USP45: variants seen among roughly 807,000 people sequenced by gnomAD.
USP45 encodes ubiquitin specific peptidase 45, also known as ubiquitin carboxyl-terminal hydrolase 45.
Under a neutral mutation model 95.8 loss-of-function variants are expected in USP45, and 89 were observed. That is an observed-to-expected ratio of 0.93 (90% confidence interval 0.78 to 1.11). The LOEUF (loss-of-function observed/expected upper bound fraction) is 1.11, where lower values mean the gene tolerates loss of function less well. Ranked by LOEUF, USP45 falls within the 50% of genes least tolerant of loss-of-function variation. The probability of loss-of-function intolerance (pLI) is 0.00; values close to 1 mark genes in which losing one functional copy is unlikely to be tolerated. For missense variants in USP45, 898 were observed against 942.5 expected (o/e 0.95, Z 0.62); for synonymous variants, 281 against 316.2 (o/e 0.89, Z 1.18).
intron 17 of USP45, 135 bp downstream of exon 17, chr6:99,437,111 T>G (rs1729508604): frequency 1.0e-6 from 1 of 961,334 alleles, no homozygotes; most frequent in Non-Finnish European, 1.5e-6. Flanking sequence ...AATCAATCAA[T>G]CAATCAATTA....
At chr6:99,451,551 A>G (rs2128573553) in intron 13 of USP45, among the ~76,000 whole-genome samples, 2 of 152,322 alleles carry the variant, frequency 1.3e-5, no homozygotes, top group South Asian at 2.1e-4. Flanking sequence ...AAATGGAAGA[A>G]CCTTCCATAC....
intron 14 of USP45, among the ~76,000 whole-genome samples, chr6:99,444,168 C>G (rs1031139700): frequency 1.3e-5 from 2 of 152,162 alleles, no homozygotes; most frequent in Admixed American, 6.5e-5. Flanking sequence ...CATGCCACCC[C>G]ACCTGGCTAA....
intron 5 of USP45, chr6:99,501,662 AAATTT>A (rs1797390679): frequency 6.1e-6 from 1 of 163,820 alleles, no homozygotes; most frequent in Admixed American, 6.1e-5. Context: ...AGACCAAATA[AAATTT>A]AATACCTGGC....
At chr6:99,472,515 C>T (rs1789687224) in intron 9 of USP45, among the ~76,000 whole-genome samples, 1 of 152,104 alleles carries the variant, frequency 6.6e-6, no homozygotes, top group South Asian at 2.1e-4. Context: ...CATGCCCAGC[C>T]CACTTACATA....
Position 99,450,588 on chromosome 6 carries a change from C to T in USP45, c.1309-4125G>A, listed in dbSNP as rs149337703. The stretch of plus-strand genomic sequence containing the variant: ...GTTGAGGACCAGACGGATTCACAGC[C>T]GAATTCTACCAGAGGTACAAGGAGG... On this transcript the variant is annotated intron_variant, in intron 13 of 17. Transcript: ENST00000500704. 3.1e-3 allele frequency among the ~76,000 whole-genome samples: 468 copies of T among 152,218 alleles called. 2 individuals are homozygous for T. Among genetic ancestry groups the T allele is most frequent in the African/African-American group, 0.011 (445 of 41,540 alleles).
At chr6:99,435,907 T>G in intron 17 of USP45, 61 bp from the exon 18 acceptor site, 1 of 1,491,380 alleles carries the variant, frequency 6.7e-7, no homozygotes, top group Non-Finnish European at 9.0e-7. Flanking sequence ...TTACTCTAAA[T>G]TACAAACAAT....
intron 13 of USP45, among the ~76,000 whole-genome samples, chr6:99,448,431 A>AAT (rs1783036548): frequency 6.6e-6 from 1 of 152,246 alleles, no homozygotes; most frequent in African/African-American, 2.4e-5. Context: ...AACTGCAAGA[A>AAT]AGGATATCAG....
At chr6:99,445,557 T>C (rs1782371643) in intron 14 of USP45, among the ~76,000 whole-genome samples, 1 of 152,024 alleles carries the variant, frequency 6.6e-6, no homozygotes, top group South Asian at 2.1e-4. Context: ...CAAATAAGAT[T>C]ATATGGGTTT....
chr6:99,457,085 A>G (rs1281824831), intron 13 of USP45, among the ~76,000 whole-genome samples: 1 of 152,190 alleles, frequency 6.6e-6, no homozygotes, highest in African/African-American at 2.4e-5. Context: ...CCACCTAATA[A>G]TTTTGGTCAG....
At chr6:99,465,279 G>T in intron 11 of USP45, 143 bp from the exon 12 acceptor site, 1 of 536,938 alleles carries the variant, frequency 1.9e-6, no homozygotes, top group African/African-American at 1.9e-5. Flanking sequence ...CAATTTAATT[G>T]GGTATTGCAG....
At chr6:99,517,012 A>G (rs527603941), upstream of USP45, among the ~76,000 whole-genome samples, 4 of 152,328 alleles carry the variant, frequency 2.6e-5, no homozygotes, top group East Asian at 3.9e-4. Flanking sequence ...ATTCAAAGCT[A>G]TCTTGATTTC....
chr6:99,517,299 A>AC (rs1470001670), upstream of USP45, among the ~76,000 whole-genome samples: 1 of 152,222 alleles, frequency 6.6e-6, no homozygotes, highest in African/African-American at 2.4e-5. Flanking sequence ...CCTTAAGATT[A>AC]CCTAACCATG....
rs74825672 is a variant in USP45, at chr6:99,480,886, G to C, written c.845+1867C>G. 8.1e-3 allele frequency among the ~76,000 whole-genome samples: 1,237 copies of C among 152,142 alleles called. 16 individuals carry two copies. Among genetic ancestry groups the C allele is most frequent in the African/African-American group, 0.027 (1,138 of 41,494 alleles). ...TACTTGATTTTAAAAAAATATATTT[G>C]TCTAATGTATACTTCTTTTAAAAGT... On this transcript the variant is annotated intron_variant, in intron 8 of 17. Transcript: ENST00000500704.
rs548220597 is a variant in USP45 at position 99,483,044 on chromosome 6, CAG to C, written c.715-163_715-162del. Among the ~76,000 whole-genome samples, 9 of 152,138 alleles carry C rather than the reference CAG, an allele frequency of 5.9e-5. No individual in the cohort carries two copies. The South Asian group carries it at 1.9e-3, about 32-fold the overall frequency. The stretch of plus-strand genomic sequence containing the variant: ...AAATAAAATATATAAAAATGGAAAA[CAG>C]AATACCTGCCTTGAAAAACACAGGT... On this transcript the variant is annotated intron_variant, in intron 7 of 17. Coordinates refer to ENST00000500704, the MANE Select transcript of USP45 (RefSeq NM_001346022.3).
rs1242536163 is a variant in USP45 at position 99,482,809 on chromosome 6, C to T, written c.789G>A (p.Lys263=). 1.9e-6 allele frequency: 3 copies of T among 1,606,252 alleles called. No individual in the cohort carries two copies. The highest frequency in any genetic ancestry group is 1.7e-6 in the Non-Finnish European group (2 of 1,175,944). ...GAGAAAGTGGTCCTTTTTCAGTCTC[C>T]TTCATGCTGTGAAGAAACAGGAACA... ...SALFLFLHSM[K]ETEKGPLSPK... is the part of the protein sequence containing the mutation. Residue 263 remains lysine (K), a synonymous_variant, in exon 8 of 18, where the codon AAG becomes AAA. Coordinates refer to ENST00000500704, the MANE Select transcript of USP45 (RefSeq NM_001346022.3).
intron 13 of USP45, among the ~76,000 whole-genome samples, chr6:99,458,616 G>T (rs1346393514): frequency 1.3e-5 from 2 of 152,140 alleles, no homozygotes; most frequent in Admixed American, 6.6e-5. Flanking sequence ...CCACCTCTTG[G>T]CTCAATATAA....
intron 5 of USP45, among the ~76,000 whole-genome samples, chr6:99,500,573 G>A (rs1405549100): frequency 6.6e-6 from 1 of 152,014 alleles, no homozygotes; most frequent in Non-Finnish European, 1.5e-5. Context: ...AAAAAATCCA[G>A]AGAAAATAAT....
chr6:99,476,648 A>G (rs1321378376), intron 8 of USP45, among the ~76,000 whole-genome samples: 1 of 152,208 alleles, frequency 6.6e-6, no homozygotes, highest in East Asian at 1.9e-4. Context: ...TCCTCCAACA[A>G]CTTTGTTGGG....
At chr6:99,458,783 A>G (rs1785656911) in intron 13 of USP45, among the ~76,000 whole-genome samples, 1 of 152,220 alleles carries the variant, frequency 6.6e-6, no homozygotes, top group Admixed American at 6.5e-5. Flanking sequence ...GCAGAAATTG[A>G]GCAGAGGCTA....
Sources: gnomAD v4.1 joint callset for allele counts (sites outside exome capture counted in the v4.1 genomes callset) on GRCh38, gnomAD v4.1.1 for gene constraint, MANE v1.5 for transcripts, NCBI Gene and HGNC (gene_info 2026-07-23, HGNC 2026-07-21) for gene names.